EXOC4: variants seen among roughly 807,000 people sequenced by gnomAD.
EXOC4 encodes the protein exocyst complex component 4.
EXOC4 carries 71 observed loss-of-function variants against 107.2 expected under a neutral mutation model. The ratio of observed to expected loss-of-function variants is 0.66; its 90% confidence interval spans 0.55 to 0.81. The LOEUF is 0.81. Among genes scored for constraint, EXOC4 ranks in the 30% least tolerant of loss-of-function variants. The pLI, the probability that EXOC4 is intolerant of heterozygous loss-of-function variation, is 0.00. For missense variants in EXOC4, 1,108 were observed against 1,189.6 expected (o/e 0.93, Z 1.01); for synonymous variants, 456 against 441.2 (o/e 1.03, Z -0.42).
chr7:133,855,127 AAAT>A (rs1563028591), intron 11 of EXOC4, among the ~76,000 whole-genome samples: 895 of 80,654 alleles, frequency 0.011, 27 homozygotes, highest in Non-Finnish European at 0.015. Flanking sequence ...ATATATATAT[AAAT>A]ATATATATAT....
chr7:133,594,770 G>A (rs1801628074), intron 9 of EXOC4, among the ~76,000 whole-genome samples: 1 of 152,090 alleles, frequency 6.6e-6, no homozygotes, highest in Non-Finnish European at 1.5e-5. Flanking sequence ...GGGATTACAG[G>A]CATGTACCAG....
rs568961763 is a variant in EXOC4 at position 133,307,523 on chromosome 7, A to G, written c.656+1462A>G. On this transcript the variant is annotated intron_variant, in intron 4 of 17. Coordinates refer to ENST00000253861, the MANE Select transcript of EXOC4 (RefSeq NM_021807.4). ...TGAGCATTATTTGAGGTCTCAGAGG[A>G]AGAACATTTATTTTAAAAAAATTTC... Among the ~76,000 whole-genome samples the G allele has an allele frequency of 3.1e-4, 47 of 152,318 alleles. 3 individuals are homozygous for G. Among genetic ancestry groups the G allele is most frequent in the African/African-American group, 1.1e-3 (47 of 41,562 alleles).
intron 10 of EXOC4, among the ~76,000 whole-genome samples, chr7:133,757,129 T>C (rs1795935278): frequency 6.6e-6 from 1 of 152,212 alleles, no homozygotes; most frequent in Admixed American, 6.5e-5. Context: ...ACATGCTGTC[T>C]TAATACCGAA....
intron 8 of EXOC4, among the ~76,000 whole-genome samples, chr7:133,475,810 G>A (rs997405914): frequency 6.6e-6 from 1 of 152,050 alleles, no homozygotes; most frequent in African/African-American, 2.4e-5. Flanking sequence ...CCTTGAAAAG[G>A]CCCCAAGAGC....
intron 5 of EXOC4, among the ~76,000 whole-genome samples, chr7:133,326,877 C>T (rs570975847): frequency 3.9e-5 from 6 of 152,234 alleles, no homozygotes. Flanking sequence ...TTCCTGGCCC[C>T]TTTGTTTACC....
intron 7 of EXOC4, among the ~76,000 whole-genome samples, chr7:133,458,433 A>T (rs558570813): frequency 1.3e-5 from 2 of 152,286 alleles, no homozygotes; most frequent in African/African-American, 4.8e-5. Flanking sequence ...TGTCATATTC[A>T]TTTGTCAACA....
chr7:133,861,796 A>G (rs1184379857), intron 11 of EXOC4, among the ~76,000 whole-genome samples: 2 of 152,124 alleles, frequency 1.3e-5, no homozygotes, highest in African/African-American at 2.4e-5. Flanking sequence ...GGCCTCCCAG[A>G]ATGCTGGGAT....
At chr7:133,568,016 T>G (rs1280037234) in intron 9 of EXOC4, among the ~76,000 whole-genome samples, 1 of 152,208 alleles carries the variant, frequency 6.6e-6, no homozygotes, top group Non-Finnish European at 1.5e-5. Flanking sequence ...CCAAGTAATG[T>G]TCTTCATTCT....
In EXOC4 at chr7:134,035,305, A is replaced by G. The variant is rs754759111; in HGVS notation, c.2687+27470A>G. On this transcript the variant is annotated intron_variant, in intron 17 of 17. Transcript: ENST00000253861. ...GGTGATCCACCTGTCTCAGCCTCCC[A>G]AAGTGCTGGGATTACAGGCGTGAGC... Among the ~76,000 whole-genome samples, 13 of 152,156 alleles carry G rather than the reference A, an allele frequency of 8.5e-5. No individual in the cohort carries two copies. In the Middle Eastern group the frequency reaches 0.01, roughly 119 times the overall value.
In EXOC4 at chr7:134,007,746, C is replaced by T. The variant is rs1794674858; in HGVS notation, c.2598C>T (p.Gly866=). The change falls in exon 17 of 18, where the codon GGC becomes GGT. Residue 866 remains glycine (G), a synonymous_variant. Coordinates refer to ENST00000253861, the MANE Select transcript of EXOC4 (RefSeq NM_021807.4). ...AQYFRRISES[G]IKKMCRNIFV... ...ACTTCAGGCGCATCAGTGAGTCTGG[C>T]ATCAAGAAAATGTGTAGGAACATTT... 2 of 1,613,438 alleles carry T rather than the reference C, an allele frequency of 1.2e-6. No homozygotes were observed. Among genetic ancestry groups the T allele is most frequent in the African/African-American group, 1.3e-5 (1 of 74,876 alleles).
rs540062516 is a variant in EXOC4 at position 133,721,683 on chromosome 7, G to C, written c.1514+91542G>C. On this transcript the variant is annotated intron_variant, in intron 10 of 17. Coordinates refer to ENST00000253861, the MANE Select transcript of EXOC4 (RefSeq NM_021807.4). ...TGTAGTCATGGGTTAGGTTTACATGGTAAGAAGGAATTTGTTGGGAGACAA... is the reference window on the plus strand; with the variant it reads ...TGTAGTCATGGGTTAGGTTTACATGCTAAGAAGGAATTTGTTGGGAGACAA... Among the ~76,000 whole-genome samples the C allele has an allele frequency of 7.2e-5, 11 of 152,252 alleles. No individual in the cohort carries two copies. In the East Asian group the frequency reaches 2.1e-3, roughly 29 times the overall value.
chr7:133,453,683 A>G lies in EXOC4; in HGVS notation c.1183-21645A>G, dbSNP rs552441157. Among the ~76,000 whole-genome samples the G allele has an allele frequency of 1.8e-3, 268 of 152,214 alleles. 1 individual carries two copies. Among genetic ancestry groups the G allele is most frequent in the South Asian group, 0.016 (78 of 4,826 alleles). ...TGTAAGTTTGCATAAGCTTATGCAT[A>G]CCTTTTAAGCATGTATTAAAGAGAG... is the stretch of plus-strand genomic sequence containing the variant. On this transcript the variant is annotated intron_variant, in intron 7 of 17. Coordinates refer to ENST00000253861, the MANE Select transcript of EXOC4 (RefSeq NM_021807.4).
At chr7:133,493,965 C>T (rs150230177) in intron 9 of EXOC4, among the ~76,000 whole-genome samples, 2,280 of 152,116 alleles carry the variant, frequency 0.015, 59 homozygotes, top group African/African-American at 0.052. Context: ...TAATTTAGGA[C>T]GGTTGGAATA....
intron 14 of EXOC4, among the ~76,000 whole-genome samples, chr7:133,963,463 C>A (rs984057886): frequency 1.3e-5 from 2 of 152,042 alleles, no homozygotes; most frequent in Non-Finnish European, 2.9e-5. Context: ...CAAAGGCAGC[C>A]CGGAGGCAAA....
intron 9 of EXOC4, among the ~76,000 whole-genome samples, chr7:133,568,833 A>G (rs988932748): frequency 3.3e-5 from 5 of 152,186 alleles, no homozygotes; most frequent in Admixed American, 6.5e-5. Flanking sequence ...CTCATTTTTG[A>G]AATCAGGAAT....
At chr7:134,059,671 T>G (rs1401963204) in intron 17 of EXOC4, among the ~76,000 whole-genome samples, 5 of 152,206 alleles carry the variant, frequency 3.3e-5, no homozygotes, top group Admixed American at 3.3e-4. Flanking sequence ...AAAGTAAGTC[T>G]TTATAATTGG....
At chr7:133,800,270 T>A (rs2151194403) in intron 10 of EXOC4, among the ~76,000 whole-genome samples, 1 of 152,342 alleles carries the variant, frequency 6.6e-6, no homozygotes, top group East Asian at 1.9e-4. Flanking sequence ...TTAAAGTAGG[T>A]AGATTTATAT....
At chr7:133,693,928 G>T (rs1272061891) in intron 10 of EXOC4, among the ~76,000 whole-genome samples, 1 of 152,126 alleles carries the variant, frequency 6.6e-6, no homozygotes, top group Non-Finnish European at 1.5e-5. Context: ...ATGCTTACCA[G>T]GGAGTCTCAC....
At chr7:133,816,142 A>C (rs1009014590) in intron 10 of EXOC4, among the ~76,000 whole-genome samples, 9 of 152,198 alleles carry the variant, frequency 5.9e-5, no homozygotes, top group African/African-American at 2.2e-4. Context: ...CAGAGGAGCT[A>C]CCAACAAAGT....
Sources: gnomAD v4.1 joint callset for allele counts (sites outside exome capture counted in the v4.1 genomes callset) on GRCh38, gnomAD v4.1.1 for gene constraint, MANE v1.5 for transcripts, NCBI Gene and HGNC (gene_info 2026-07-23, HGNC 2026-07-21) for gene names.